The following APLP2 variants were observed in gnomAD, a reference collection of about 807,000 sequenced individuals.
APLP2 encodes CDEI box-binding protein.
APLP2 carries 53 observed loss-of-function variants against 89.9 expected under a neutral mutation model. The observed-to-expected ratio is 0.59, with a 90% CI of 0.47 to 0.74. The LOEUF is 0.74. Among genes scored for constraint, APLP2 ranks in the 30% least tolerant of loss-of-function variants. APLP2 has a pLI of 0.00. For missense variants in APLP2, 973 were observed against 975.9 expected (o/e 1.00, Z 0.04); for synonymous variants, 372 against 348.6 (o/e 1.07, Z -0.75).
At chr11:130,078,165 CTT>C (rs780312601) in intron 1 of APLP2, among the ~76,000 whole-genome samples, 8,931 of 135,138 alleles carry the variant, frequency 0.066, 263 homozygotes, top group Non-Finnish European at 0.081. Context: ...GTTTTTCTTT[CTT>C]TTTTTTTTTT....
rs778627183 is a variant in APLP2, at chr11:130,121,745, G to GGAAGAGGAAGAT, written c.660_671dup (p.Asp220_Glu223dup). ...TTATTGGATCTGTGTCAAAAGAAGAGGAAGAGGAAGATGAAGAGGAAGAGG... is the reference window on the plus strand; with the variant it reads ...TTATTGGATCTGTGTCAAAAGAAGAGGAAGAGGAAGATGAAGAGGAAGATGAAGAGGAAGAGG... On this transcript the variant is annotated inframe_insertion, in exon 5 of 17. Coordinates refer to ENST00000338167, the MANE Select transcript of APLP2 (RefSeq NM_001142276.2). 2.5e-6 allele frequency: 4 copies of GGAAGAGGAAGAT among 1,610,472 alleles called. No homozygotes were observed. Among genetic ancestry groups the GGAAGAGGAAGAT allele is most frequent in the Non-Finnish European group, 3.4e-6 (4 of 1,179,134 alleles).
chr11:130,138,431 A>G (rs1951894075), intron 13 of APLP2, among the ~76,000 whole-genome samples: 1 of 152,154 alleles, frequency 6.6e-6, no homozygotes, highest in African/African-American at 2.4e-5. Flanking sequence ...GTTTTCTAGA[A>G]GTTTAACTGG....
rs144134829 is a variant in APLP2 at position 130,097,348 on chromosome 11, A to C, written c.106-12081A>C. On this transcript the variant is annotated intron_variant, in intron 1 of 16. Transcript: ENST00000338167. ...TGTCAGATTTTCTTGTTATAAGCAA[A>C]GATATGGGTTATTCACCCAAGAATT... Among the ~76,000 whole-genome samples the C allele has an allele frequency of 9.5e-3, 1,447 of 152,354 alleles. 12 individuals are homozygous for C. Among genetic ancestry groups the C allele is most frequent in the Middle Eastern group, 0.027 (8 of 294 alleles).
chr11:130,109,629 G>A (rs374057582), intron 2 of APLP2, 27 bp downstream of exon 2: 3 of 1,591,986 alleles, frequency 1.9e-6, no homozygotes, highest in African/African-American at 2.7e-5. Context: ...TAAGTTGAAA[G>A]TGTTATTTTT....
In APLP2 at chr11:130,122,351, G is replaced by A. The variant is rs1186093003; in HGVS notation, c.760G>A (p.Val254Met). ...TCTGGAAGACTTCACAGAAGCAGCTGTGGATGAGGATGATGAGGATGAGGA... is the reference window on the plus strand; with the variant it reads ...TCTGGAAGACTTCACAGAAGCAGCTATGGATGAGGATGATGAGGATGAGGA... ...ADLEDFTEAA[V>M]DEDDEDEEEG... Residue 254 changes from valine to methionine, a missense_variant, in exon 6 of 17, where the codon GTG (valine) becomes ATG (methionine). Coordinates refer to ENST00000338167, the MANE Select transcript of APLP2 (RefSeq NM_001142276.2). 3 of 1,614,018 alleles carry A rather than the reference G, an allele frequency of 1.9e-6. No individual in the cohort carries two copies. The highest frequency in any genetic ancestry group is 2.5e-6 in the Non-Finnish European group (3 of 1,180,004).
At chr11:130,070,644 AG>A in intron 1 of APLP2, 1 of 1,465,292 alleles carries the variant, frequency 6.8e-7, no homozygotes, top group Admixed American at 2.5e-5. Flanking sequence ...CTCCCGCGCC[AG>A]GCCGCCCGCT....
chr11:130,120,851 T>C (rs1016991760), intron 4 of APLP2, 33 bp downstream of exon 4: 13 of 1,485,618 alleles, frequency 8.8e-6, no homozygotes, highest in Non-Finnish European at 1.2e-5. Context: ...TCAGCTGCTG[T>C]TGTATCTGTT....
chr11:130,071,107 T>G (rs572897967), intron 1 of APLP2, among the ~76,000 whole-genome samples: 1 of 151,934 alleles, frequency 6.6e-6, no homozygotes. Flanking sequence ...TTCTTCTCCC[T>G]CTTCGCTCTT....
At chr11:130,082,750 G>T in intron 1 of APLP2, 1 of 235,850 alleles carries the variant, frequency 4.2e-6, no homozygotes. Flanking sequence ...GTTAGAGGCT[G>T]TATTGTAGGA....
chr11:130,137,139 C>A (rs1951720139), intron 13 of APLP2: 5 of 937,078 alleles, frequency 5.3e-6, no homozygotes, highest in Non-Finnish European at 6.7e-6. Context: ...AGGAGGAATA[C>A]TTTTTGTTCA....
chr11:130,091,900 GCGGAGAGGC>G, intron 1 of APLP2, among the ~76,000 whole-genome samples: 1 of 131,646 alleles, frequency 7.6e-6, no homozygotes, highest in Non-Finnish European at 1.6e-5. Flanking sequence ...TGGCTGCCGG[GCGGAGAGGC>G]TCCTCACTTC....
chr11:130,100,969 T>A (rs1305719685), intron 1 of APLP2, among the ~76,000 whole-genome samples: 1 of 152,228 alleles, frequency 6.6e-6, no homozygotes. Context: ...TAGATAGTGG[T>A]TTGAAGCTTC....
chr11:130,079,089 T>G (rs532649273), intron 1 of APLP2, among the ~76,000 whole-genome samples: 1 of 151,678 alleles, frequency 6.6e-6, no homozygotes, highest in South Asian at 2.1e-4. Flanking sequence ...TTTTTTTTAT[T>G]TATTTATTTA....
At chr11:130,126,668 C>CA (rs761359185) in intron 7 of APLP2, 32 bp from the exon 8 acceptor site, 1 of 1,611,642 alleles carries the variant, frequency 6.2e-7, no homozygotes, top group African/African-American at 1.3e-5. Context: ...CATCTGATCC[C>CA]AAAGAGAACT....
Position 130,123,816 on chromosome 11 carries a change from C to T in APLP2, c.1090+37C>T, listed in dbSNP as rs369687086. The T allele has an allele frequency of 3.4e-4, 543 of 1,605,068 alleles. 3 individuals carry two copies. The South Asian group carries it at 5.6e-3, about 17-fold the overall frequency. ...CTCGCGCTGGTCCCGTGCGGCAGCA[C>T]CGTCCTGTCTGGCGTCCGTCTCCCT... On this transcript the variant is annotated intron_variant, in intron 7 of 16. Coordinates refer to ENST00000338167, the MANE Select transcript of APLP2 (RefSeq NM_001142276.2). This position sits in a 1 kb window ranked among gnomAD's most constrained non-coding sequence, Gnocchi z 4.0.
rs1952699982 is a variant in APLP2, at chr11:130,143,946, G to C, written c.*498G>C. ...TTTCAGGAAGTTGCTGAGAAATGGG[G>C]TGGAATAGGGAACTGTAATGGCCAC... On this transcript the variant is annotated 3_prime_UTR_variant, in exon 17 of 17. Transcript: ENST00000338167. 1 of 155,888 alleles carries C rather than the reference G, an allele frequency of 6.4e-6. No individual in the cohort carries two copies. Among genetic ancestry groups the C allele is most frequent in the African/African-American group, 2.4e-5 (1 of 41,462 alleles). 9.7% of individuals were successfully genotyped at this position (155,888 alleles called of 1,614,324 possible). A position where few individuals can be genotyped will look rare whatever the true frequency, so the allele number is the denominator to read the frequency against.
chr11:130,098,616 T>A (rs1946523673), intron 1 of APLP2, among the ~76,000 whole-genome samples: 1 of 152,220 alleles, frequency 6.6e-6, no homozygotes, highest in Admixed American at 6.5e-5. Flanking sequence ...GTAAAATCAC[T>A]AATTCAAGTG....
intron 1 of APLP2, among the ~76,000 whole-genome samples, chr11:130,086,698 A>G (rs1944173324): frequency 6.6e-6 from 1 of 152,088 alleles, no homozygotes; most frequent in South Asian, 2.1e-4. Context: ...TCAGTTTTGT[A>G]TATGGTTTAA....
intron 1 of APLP2, among the ~76,000 whole-genome samples, chr11:130,094,507 T>TA (rs571740087): frequency 4.3e-4 from 65 of 152,256 alleles, no homozygotes; most frequent in African/African-American, 1.1e-3. Context: ...CTTCTATATG[T>TA]AAAAAAACCC....
Sources: allele counts gnomAD v4.1 joint callset (sites outside exome capture counted in the v4.1 genomes callset), GRCh38; gene constraint gnomAD v4.1.1; non-coding constraint Gnocchi (gnomAD v3.1); transcripts MANE v1.5; gene names NCBI Gene and HGNC (gene_info 2026-07-23, HGNC 2026-07-21).